The following MGAT4D variants were observed in gnomAD, a reference collection of about 807,000 sequenced individuals.
MGAT4D encodes MGAT4 family member D, also known as alpha-1,3-mannosyl-glycoprotein 4-beta-N-acetylglucosaminyltransferase-like protein MGAT4D.
A neutral mutation model predicts 15.9 loss-of-function variants in MGAT4D; 34 were observed. The observed-to-expected ratio is 2.14, with a 90% CI of 1.62 to 2.84. MGAT4D has a LOEUF of 2.84. Ranked by LOEUF, MGAT4D falls within the 30% of genes most tolerant of loss-of-function variation. The pLI is 0.00. For missense variants in MGAT4D, 327 were observed against 140.2 expected, an observed-to-expected ratio of 2.33 and a Z score of -6.73; for synonymous variants, 112 against 48.2, an observed-to-expected ratio of 2.33 and a Z score of -5.49.
At chr4:140,447,641 A>G (rs1002735958) in intron 10 of MGAT4D, among the ~76,000 whole-genome samples, 3 of 151,766 alleles carry the variant, frequency 2.0e-5, no homozygotes, top group African/African-American at 7.2e-5. Context: ...AATCTCTTGA[A>G]GACTTGCTTT....
In MGAT4D at chr4:140,451,498, T is replaced by C. The variant is rs1730472507; in HGVS notation, c.1028A>G (p.Lys343Arg). The C allele has an allele frequency of 3.4e-6, 2 of 581,458 alleles. No homozygotes were observed. Among genetic ancestry groups the C allele is most frequent in the Non-Finnish European group, 6.3e-6 (2 of 317,714 alleles). 36.0% of individuals were successfully genotyped at this position (581,458 alleles called of 1,614,324 possible). ...TTTATACTGAATACGTATTTGCTTC[T>C]TTCGTTTCATACAGTTTCTCTGGGG... Reference protein sequence around the residue: ...GEDLRNCMKRKKQIRIQYKPS... With the variant: ...GEDLRNCMKRRKQIRIQYKPS... Residue 343 changes from lysine (K) to arginine (R), a missense_variant, in exon 10 of 11, where the codon AAG becomes AGG. Physicochemically the swap from Lys to Arg is conservative, Grantham distance 26 (BLOSUM62 2). Coordinates refer to ENST00000511113, the MANE Select transcript of MGAT4D (RefSeq NM_001277353.2).
At chr4:140,470,678 C>G (rs1731868993) in intron 5 of MGAT4D, among the ~76,000 whole-genome samples, 2 of 152,172 alleles carry the variant, frequency 1.3e-5, no homozygotes, top group African/African-American at 4.8e-5. Flanking sequence ...CTCAGCAATT[C>G]TATTTATCAG....
At chr4:140,462,702 C>T (rs1219381642) in intron 6 of MGAT4D, 1 of 152,202 alleles carries the variant, frequency 6.6e-6, no homozygotes, top group African/African-American at 2.4e-5. Context: ...GTATGAATTA[C>T]TACTCTCCAG....
chr4:140,472,037 C>T (rs998838403), intron 4 of MGAT4D, among the ~76,000 whole-genome samples: 8 of 151,944 alleles, frequency 5.3e-5, no homozygotes, highest in African/African-American at 1.9e-4. Context: ...TTTCCCTTTG[C>T]CACAATGTGA....
chr4:140,455,136 T>C (rs979933360), intron 9 of MGAT4D, among the ~76,000 whole-genome samples: 1 of 152,172 alleles, frequency 6.6e-6, no homozygotes, highest in Admixed American at 6.5e-5. Flanking sequence ...TTTGCCCTTC[T>C]TTTTTCTAGT....
chr4:140,474,392 G>A (rs1370083190), intron 4 of MGAT4D, among the ~76,000 whole-genome samples: 1 of 152,098 alleles, frequency 6.6e-6, no homozygotes, highest in Non-Finnish European at 1.5e-5. Context: ...TCAATCATAG[G>A]TGTTGTTGCT....
intron 10 of MGAT4D, among the ~76,000 whole-genome samples, chr4:140,451,086 T>C (rs538479849): frequency 5.9e-5 from 9 of 152,318 alleles, no homozygotes; most frequent in African/African-American, 2.2e-4. Flanking sequence ...TCTAGTATAA[T>C]TTTGAATTTT....
intron 3 of MGAT4D, among the ~76,000 whole-genome samples, chr4:140,475,499 T>G (rs1468191682): frequency 6.6e-6 from 1 of 152,026 alleles, no homozygotes; most frequent in East Asian, 1.9e-4. Context: ...AGATTGAGGC[T>G]ACCAATCGTA....
intron 1 of MGAT4D, among the ~76,000 whole-genome samples, chr4:140,492,371 T>C (rs1733557038): frequency 6.6e-6 from 1 of 152,156 alleles, no homozygotes; most frequent in African/African-American, 2.4e-5. Flanking sequence ...CCTTCGTGAA[T>C]TTCTGATTAC....
At chr4:140,444,924 G>A (rs537496582) in intron 10 of MGAT4D, among the ~76,000 whole-genome samples, 3 of 149,968 alleles carry the variant, frequency 2.0e-5, no homozygotes, top group African/African-American at 4.9e-5. Context: ...TCTTGTTGCC[G>A]AGGCTGGAGT....
intron 1 of MGAT4D, among the ~76,000 whole-genome samples, chr4:140,490,418 C>G (rs1230764006): frequency 6.6e-6 from 1 of 152,178 alleles, no homozygotes; most frequent in Non-Finnish European, 1.5e-5. Flanking sequence ...GTGACCAGAA[C>G]CTGAACGCTG....
chr4:140,498,106 C>A (rs1409322243), intron 1 of MGAT4D, 23 bp downstream of exon 1: 2 of 695,128 alleles, frequency 2.9e-6, no homozygotes, highest in East Asian at 2.8e-5. Flanking sequence ...GGAAAGGAGG[C>A]GGGAGGAGGG....
rs528429504 is a variant in MGAT4D, at chr4:140,482,588, T to C, written c.95-103A>G. On this transcript the variant is annotated intron_variant, in intron 1 of 10. Coordinates refer to ENST00000511113, the MANE Select transcript of MGAT4D (RefSeq NM_001277353.2). ...AAGTATAAGTTTCAATATAGTTATATATAGTACTATATATGTATTATATGT... is the reference window on the plus strand; with the variant it reads ...AAGTATAAGTTTCAATATAGTTATACATAGTACTATATATGTATTATATGT... The C allele has an allele frequency of 2.4e-4, 117 of 491,400 alleles. 1 individual carries two copies. Among genetic ancestry groups the C allele is most frequent in the Admixed American group, 7.9e-5 (2 of 25,312 alleles). 30.4% of individuals were successfully genotyped at this position (491,400 alleles called of 1,614,324 possible).
chr4:140,496,885 G>GA (rs557856485), intron 1 of MGAT4D, among the ~76,000 whole-genome samples: 1 of 152,028 alleles, frequency 6.6e-6, no homozygotes, highest in Admixed American at 6.6e-5. Context: ...CTAATTAAAA[G>GA]AAATCATTTA....
chr4:140,489,119 T>G (rs903538570), intron 1 of MGAT4D, among the ~76,000 whole-genome samples: 1 of 152,158 alleles, frequency 6.6e-6, no homozygotes, highest in African/African-American at 2.4e-5. Context: ...AGGGGGTAAA[T>G]AGAAGGGCAA....
intron 10 of MGAT4D, among the ~76,000 whole-genome samples, chr4:140,447,212 A>G (rs1400895600): frequency 6.6e-6 from 1 of 151,964 alleles, no homozygotes; most frequent in African/African-American, 2.4e-5. Flanking sequence ...CTGTAGGTAT[A>G]TATTATGTTC....
At chr4:140,485,919 C>T (rs1733098059) in intron 1 of MGAT4D, among the ~76,000 whole-genome samples, 1 of 142,836 alleles carries the variant, frequency 7.0e-6, no homozygotes, top group Non-Finnish European at 1.5e-5. Context: ...AAGAAGAGCA[C>T]ACAAGTGGAC....
rs553428250 is a variant in MGAT4D, at chr4:140,482,936, T to C, written c.95-451A>G. Among the ~76,000 whole-genome samples, 58 of 152,260 alleles carry C rather than the reference T, an allele frequency of 3.8e-4. 1 individual carries two copies. In the South Asian group the frequency reaches 0.012, roughly 31 times the overall value. Reference sequence around the variant, plus strand: ...GATATTTAACATAGGCCGTAGTATTTAGCATTATTTTTAAAAATTGGAACT... The same window carrying C: ...GATATTTAACATAGGCCGTAGTATTCAGCATTATTTTTAAAAATTGGAACT... On this transcript the variant is annotated intron_variant, in intron 1 of 10. Coordinates refer to ENST00000511113, the MANE Select transcript of MGAT4D (RefSeq NM_001277353.2).
At chr4:140,495,856 C>T (rs1733803131) in intron 1 of MGAT4D, among the ~76,000 whole-genome samples, 1 of 152,136 alleles carries the variant, frequency 6.6e-6, no homozygotes, top group Admixed American at 6.5e-5. Flanking sequence ...CCTGCCTCAG[C>T]CTCCTGAGTA....
Sources: allele counts gnomAD v4.1 joint callset (sites outside exome capture counted in the v4.1 genomes callset), GRCh38; gene constraint gnomAD v4.1.1; transcripts MANE v1.5; gene names NCBI Gene and HGNC (gene_info 2026-07-23, HGNC 2026-07-21).